EYS: variants seen among roughly 807,000 people sequenced by gnomAD.
EYS encodes EGF-like photoreceptor maintenance factor.
Under a neutral mutation model 282.1 loss-of-function variants are expected in EYS, and 250 were observed. That is an observed-to-expected ratio of 0.89 (90% CI 0.80 to 0.98). The LOEUF (loss-of-function observed/expected upper bound fraction) is 0.98, where lower values mean the gene tolerates loss of function less well. EYS is among the 50% of genes least tolerant of loss of function. The probability of loss-of-function intolerance (pLI) is 0.00; values close to 1 mark genes in which losing one functional copy is unlikely to be tolerated. For missense variants in EYS, 4,016 were observed against 3,709.0 expected, an observed-to-expected ratio of 1.08 and a Z score of -2.15; for synonymous variants, 1,355 against 1,282.9, an observed-to-expected ratio of 1.06 and a Z score of -1.20.
chr6:64,895,728 C>A (rs543766654), intron 18 of EYS, among the ~76,000 whole-genome samples: 19 of 151,926 alleles, frequency 1.3e-4, no homozygotes, highest in Non-Finnish European at 2.6e-4. Flanking sequence ...GCAGACATGG[C>A]TTATTTATAT....
Position 64,686,799 on chromosome 6 carries a change from ATATATG to A in EYS, c.3444-60560_3444-60555del, listed in dbSNP as rs1562133831. Reference sequence around the variant, plus strand: ...TATATATATATATATGTGTGTATATATATATGTGTGTATATATATATGTGTATATAT... The same window carrying A: ...TATATATATATATATGTGTGTATATATGTGTATATATATATGTGTATATAT... On this transcript the variant is annotated intron_variant, in intron 22 of 42. Transcript: ENST00000503581. Among the ~76,000 whole-genome samples, 19 of 66,928 alleles carry A rather than the reference ATATATG, an allele frequency of 2.8e-4. 4 individuals are homozygous for A. The highest frequency in any genetic ancestry group is 9.2e-4 in the African/African-American group (18 of 19,476). 43.9% of individuals were successfully genotyped at this position (66,928 alleles called of 152,430 possible). A position where few individuals can be genotyped will look rare whatever the true frequency, so the allele number is the denominator to read the frequency against.
intron 11 of EYS, among the ~76,000 whole-genome samples, chr6:65,306,919 G>A (rs1382406157): frequency 1.4e-5 from 2 of 141,180 alleles, no homozygotes; most frequent in Non-Finnish European, 3.1e-5. Context: ...TTGCCAGGGA[G>A]TTAAGTTACT....
At chr6:64,714,485 T>G (rs1388224415) in intron 22 of EYS, among the ~76,000 whole-genome samples, 1 of 151,750 alleles carries the variant, frequency 6.6e-6, no homozygotes, top group East Asian at 1.9e-4. Flanking sequence ...GTAAAGCCAT[T>G]TGACTTATTT....
At chr6:63,835,555 AT>A (rs1771783670) in intron 36 of EYS, among the ~76,000 whole-genome samples, 4 of 152,044 alleles carry the variant, frequency 2.6e-5, no homozygotes, top group African/African-American at 9.7e-5. Context: ...GATAAGAATG[AT>A]ACAATGGACT....
At chr6:65,365,197 T>A (rs1272136773) in intron 8 of EYS, among the ~76,000 whole-genome samples, 1 of 151,706 alleles carries the variant, frequency 6.6e-6, no homozygotes, top group Non-Finnish European at 1.5e-5. Flanking sequence ...AACTGACCTA[T>A]ATTTGCTGAT....
intron 12 of EYS, among the ~76,000 whole-genome samples, chr6:65,088,813 C>T (rs1473505813): frequency 1.3e-5 from 2 of 152,260 alleles, no homozygotes; most frequent in East Asian, 3.9e-4. Context: ...AAAATGGTTT[C>T]ATGGGCCAGG....
At chr6:65,383,369 A>G (rs551582238) in intron 8 of EYS, among the ~76,000 whole-genome samples, 1 of 151,814 alleles carries the variant, frequency 6.6e-6, no homozygotes, top group African/African-American at 2.4e-5. Flanking sequence ...TCATGTCTTA[A>G]TTAGTTGTTG....
At chr6:65,425,412 A>G (rs1394107801) in intron 5 of EYS, among the ~76,000 whole-genome samples, 2 of 152,118 alleles carry the variant, frequency 1.3e-5, no homozygotes, top group East Asian at 3.9e-4. Flanking sequence ...TTAAAATGGT[A>G]CCATTAAATT....
chr6:64,743,873 C>T (rs1411417457), intron 22 of EYS, among the ~76,000 whole-genome samples: 1 of 152,050 alleles, frequency 6.6e-6, no homozygotes, highest in African/African-American at 2.4e-5. Context: ...CAAAGTACTG[C>T]TCTTCTGTAG....
At chr6:65,262,395 C>T (rs1229292236) in intron 12 of EYS, among the ~76,000 whole-genome samples, 1 of 151,960 alleles carries the variant, frequency 6.6e-6, no homozygotes. Flanking sequence ...TATAATGAAT[C>T]GTCTACTGAG....
Position 63,726,591 on chromosome 6 carries a change from G to A in EYS, c.8161C>T (p.Gln2721Ter). Residue 2721 changes from glutamine to a stop codon, truncating the protein, a stop_gained, in exon 42 of 43, where the codon CAA (glutamine) becomes TAA (stop). Coordinates refer to ENST00000503581, the MANE Select transcript of EYS (RefSeq NM_001142800.2). LOFTEE classifies it high-confidence loss of function. Reference sequence around the variant, plus strand: ...GCAGCGAGAGGCTGAAACTGCAATTGAATATGTGTCTTTTTTCGAACATGA... The same window carrying A: ...GCAGCGAGAGGCTGAAACTGCAATTAAATATGTGTCTTTTTTCGAACATGA... ...SFHVRKKTHI[Q>*]LQFQPLAADG... The A allele has an allele frequency of 6.4e-7, 1 of 1,551,272 alleles. No homozygotes were observed. The highest frequency in any genetic ancestry group is 8.7e-7 in the Non-Finnish European group (1 of 1,146,714).
intron 30 of EYS, among the ~76,000 whole-genome samples, chr6:64,301,776 T>TC: frequency 6.6e-6 from 1 of 152,166 alleles, no homozygotes. Flanking sequence ...AATAGTTCAC[T>TC]CCCCCATACC....
At chr6:64,624,712 A>ATAGG (rs1767549840) in intron 23 of EYS, among the ~76,000 whole-genome samples, 1 of 152,240 alleles carries the variant, frequency 6.6e-6, no homozygotes, top group Admixed American at 6.5e-5. Context: ...CACTCAGTTG[A>ATAGG]TAGGTATTCA....
At chr6:64,428,202 C>T (rs1190810967) in intron 28 of EYS, among the ~76,000 whole-genome samples, 2 of 152,054 alleles carry the variant, frequency 1.3e-5, no homozygotes, top group Non-Finnish European at 2.9e-5. Context: ...ACTGAAATAT[C>T]TCACAGGAAG....
chr6:64,492,331 C>T (rs1776764453), intron 26 of EYS, among the ~76,000 whole-genome samples: 1 of 151,154 alleles, frequency 6.6e-6, no homozygotes, highest in African/African-American at 2.4e-5. Context: ...CATTTGTAGA[C>T]ATTTTTGTTT....
At chr6:64,891,262 A>G (rs1767284494) in intron 18 of EYS, among the ~76,000 whole-genome samples, 1 of 152,116 alleles carries the variant, frequency 6.6e-6, no homozygotes, top group Non-Finnish European at 1.5e-5. Flanking sequence ...ACACTAAACA[A>G]TATGAGGGCA....
rs34663169 is a variant in EYS, at chr6:64,249,063, C to CAAAAAAAAAAAAAAA, written c.6192-18254_6192-18240dup. On this transcript the variant is annotated intron_variant, in intron 30 of 42. Coordinates refer to ENST00000503581, the MANE Select transcript of EYS (RefSeq NM_001142800.2). ...TGGGCTACAGAGTGACACCCTGTCT[C>CAAAAAAAAAAAAAAA]AAAAAAAAAAAAAAAAAAAAAAGAT... 1.7e-4 allele frequency among the ~76,000 whole-genome samples: 12 copies of CAAAAAAAAAAAAAAA among 70,058 alleles called. 1 individual carries two copies. Among genetic ancestry groups the CAAAAAAAAAAAAAAA allele is most frequent in the African/African-American group, 6.3e-4 (9 of 14,226 alleles). The allele number at this position is 70,058 out of a possible 152,430, so 46.0% of individuals were successfully genotyped here. A position where few individuals can be genotyped will look rare whatever the true frequency, so the allele number is the denominator to read the frequency against.
chr6:65,004,060 A>G lies in EYS; in HGVS notation c.2138-6357T>C, dbSNP rs969762561. Among the ~76,000 whole-genome samples, 6 of 146,940 alleles carry G rather than the reference A, an allele frequency of 4.1e-5. 1 individual carries two copies. The highest frequency in any genetic ancestry group is 7.6e-5 in the Non-Finnish European group (5 of 65,774). ...ATATTTTTTTAGGAATATAAATTTC[A>G]GTAGGAAGAAGTGTGAGTGTGTGGG... On this transcript the variant is annotated intron_variant, in intron 13 of 42. Coordinates refer to ENST00000503581, the MANE Select transcript of EYS (RefSeq NM_001142800.2).
intron 1 of EYS, among the ~76,000 whole-genome samples, chr6:65,672,433 A>G (rs1409821597): frequency 6.6e-6 from 1 of 152,140 alleles, no homozygotes; most frequent in African/African-American, 2.4e-5. Flanking sequence ...ATTCACAGAA[A>G]ACATTTGAGA....
Sources: gnomAD v4.1 joint callset for allele counts (sites outside exome capture counted in the v4.1 genomes callset) on GRCh38, gnomAD v4.1.1 for gene constraint, MANE v1.5 for transcripts, NCBI Gene and HGNC (gene_info 2026-07-23, HGNC 2026-07-21) for gene names.